The following CCDC178 variants were observed in gnomAD, a reference collection of about 807,000 sequenced individuals.
The protein encoded by CCDC178 is coiled-coil domain-containing protein 178.
In CCDC178, 126 loss-of-function variants were observed where a neutral mutation model predicts 117.4. The observed-to-expected ratio is 1.07, with a 90% CI of 0.93 to 1.24. The LOEUF is 1.24. Among genes scored for constraint, CCDC178 ranks in the 50% most tolerant of loss-of-function variants. CCDC178 has a pLI of 0.00. For synonymous variants in CCDC178, 283 were observed against 313.4 expected (o/e 0.90, Z 1.02); for missense variants, 1,030 against 986.9 (o/e 1.04, Z -0.59).
intron 14 of CCDC178, among the ~76,000 whole-genome samples, chr18:33,262,710 A>G (rs576056389): frequency 6.6e-6 from 1 of 152,254 alleles, no homozygotes; most frequent in African/African-American, 2.4e-5. Flanking sequence ...AGCCACATCA[A>G]AAGTGTAACT....
At chr18:32,958,177 TG>T (rs1859250532) in intron 22 of CCDC178, 1 of 582,656 alleles carries the variant, frequency 1.7e-6, no homozygotes, top group Non-Finnish European at 3.1e-6. Flanking sequence ...TAATTATTTT[TG>T]TACTTTAAAA....
intron 2 of CCDC178, among the ~76,000 whole-genome samples, chr18:33,437,253 C>T (rs2064304934): frequency 6.6e-6 from 1 of 152,108 alleles, no homozygotes. Flanking sequence ...ATCTCATTTA[C>T]ACAAAGAAAA....
At chr18:33,387,296 A>G (rs2063505651) in intron 5 of CCDC178, among the ~76,000 whole-genome samples, 1 of 152,204 alleles carries the variant, frequency 6.6e-6, no homozygotes, top group East Asian at 1.9e-4. Context: ...AGCAATTTAT[A>G]GATTCAATAC....
In CCDC178 at chr18:33,266,931, A is replaced by T. The variant is rs9965081; in HGVS notation, c.1394T>A (p.Val465Glu). ...KLEIDINKITVKTNESIRKKS... is the reference protein window; with the variant it reads ...KLEIDINKITEKTNESIRKKS... ...GCAAATTTACCTTTCATTGGTTTTT[A>T]CTGTTATTTTGTTAATATCAATCTC... Residue 465 changes from valine to glutamate, a missense_variant, in exon 14 of 23, where the codon GTA becomes GAA. Coordinates refer to ENST00000383096, the MANE Select transcript of CCDC178 (RefSeq NM_001105528.4). 0.93 allele frequency: 1,469,140 copies of T among 1,573,208 alleles called. 686,635 individuals carry two copies. The highest frequency in any genetic ancestry group is 1 in the East Asian group (44,456 of 44,466).
At chr18:32,942,734 G>C (rs1456710373) in intron 22 of CCDC178, among the ~76,000 whole-genome samples, 1 of 151,976 alleles carries the variant, frequency 6.6e-6, no homozygotes, top group Non-Finnish European at 1.5e-5. Flanking sequence ...CATTTTGACT[G>C]AAGTTTATTA....
At chr18:33,415,626 A>G (rs1032761340) in intron 2 of CCDC178, among the ~76,000 whole-genome samples, 1 of 152,166 alleles carries the variant, frequency 6.6e-6, no homozygotes, top group Non-Finnish European at 1.5e-5. Flanking sequence ...CAGCACACCA[A>G]CATGGCACAT....
At chr18:33,367,309 T>G (rs1425183318) in intron 6 of CCDC178, among the ~76,000 whole-genome samples, 1 of 152,070 alleles carries the variant, frequency 6.6e-6, no homozygotes, top group Non-Finnish European at 1.5e-5. Context: ...TAAATATTTC[T>G]TACACACATA....
At chr18:33,302,574 T>C (rs2062190730) in intron 11 of CCDC178, among the ~76,000 whole-genome samples, 1 of 152,160 alleles carries the variant, frequency 6.6e-6, no homozygotes. Context: ...CCCATGTTCA[T>C]CACTACACTA....
intron 20 of CCDC178, among the ~76,000 whole-genome samples, chr18:33,162,668 G>A (rs1171315884): frequency 6.6e-6 from 1 of 152,126 alleles, no homozygotes; most frequent in East Asian, 1.9e-4. Flanking sequence ...CCATTTATAA[G>A]TGAGAACACG....
At chr18:33,067,099 T>C (rs538563870) in intron 21 of CCDC178, among the ~76,000 whole-genome samples, 1 of 152,348 alleles carries the variant, frequency 6.6e-6, no homozygotes, top group South Asian at 2.1e-4. Context: ...GATCATATGT[T>C]ACATCACAAA....
chr18:33,284,655 G>A (rs1005849232), intron 12 of CCDC178, among the ~76,000 whole-genome samples: 1 of 152,078 alleles, frequency 6.6e-6, no homozygotes, highest in Non-Finnish European at 1.5e-5. Context: ...TTAAGTATTT[G>A]TGCCTTTCAA....
intron 12 of CCDC178, among the ~76,000 whole-genome samples, chr18:33,277,427 G>A (rs927284036): frequency 2.0e-5 from 3 of 152,076 alleles, no homozygotes; most frequent in Non-Finnish European, 4.4e-5. Context: ...GACACAAAAT[G>A]TCATTGAACA....
chr18:33,398,693 G>A (rs2063671917), intron 3 of CCDC178, among the ~76,000 whole-genome samples: 1 of 152,146 alleles, frequency 6.6e-6, no homozygotes, highest in Non-Finnish European at 1.5e-5. Flanking sequence ...ACACATTAGA[G>A]TGAAATAATG....
intron 20 of CCDC178, among the ~76,000 whole-genome samples, chr18:33,182,933 C>A (rs2058747549): frequency 6.6e-6 from 1 of 151,948 alleles, no homozygotes; most frequent in South Asian, 2.1e-4. Flanking sequence ...AAAACATAAA[C>A]ATAGGCTATA....
intron 15 of CCDC178, among the ~76,000 whole-genome samples, chr18:33,237,765 C>T (rs1599037026): frequency 6.7e-6 from 1 of 150,066 alleles, no homozygotes; most frequent in African/African-American, 2.5e-5. Flanking sequence ...AACCTGGTCC[C>T]AAGACTGAAA....
chr18:33,420,551 C>A (rs926604346), intron 2 of CCDC178, among the ~76,000 whole-genome samples: 2 of 152,194 alleles, frequency 1.3e-5, no homozygotes, highest in African/African-American at 4.8e-5. Flanking sequence ...GATGGGATTT[C>A]GCCATGTTGG....
intron 10 of CCDC178, among the ~76,000 whole-genome samples, chr18:33,330,473 A>G (rs950997640): frequency 6.6e-6 from 1 of 152,166 alleles, no homozygotes; most frequent in African/African-American, 2.4e-5. Flanking sequence ...TCACCAGCTG[A>G]CTTAAAAGCA....
chr18:33,328,083 ATTTTTTTT>A, intron 10 of CCDC178: 136 of 96,810 alleles, frequency 1.4e-3, no homozygotes, highest in East Asian at 1.8e-3. Context: ...TTATCCCTAG[ATTTTTTTT>A]TTTTTTTTTT....
intron 21 of CCDC178, among the ~76,000 whole-genome samples, chr18:33,005,473 G>T (rs1211050274): frequency 6.6e-6 from 1 of 151,890 alleles, no homozygotes; most frequent in Non-Finnish European, 1.5e-5. Context: ...GAAGGTTATT[G>T]GGCATGGGGA....
Sources: allele counts gnomAD v4.1 joint callset (sites outside exome capture counted in the v4.1 genomes callset), GRCh38; gene constraint gnomAD v4.1.1; transcripts MANE v1.5; gene names NCBI Gene and HGNC (gene_info 2026-07-23, HGNC 2026-07-21).